RGS7: variants seen among roughly 807,000 people sequenced by gnomAD.
RGS7 encodes the protein regulator of G-protein signaling 7.
In RGS7, 27 loss-of-function variants were observed where a neutral mutation model predicts 81.1. The ratio of observed to expected loss-of-function variants is 0.33; its 90% CI spans 0.25 to 0.46. RGS7 has a LOEUF of 0.46. Among genes scored for constraint, RGS7 ranks in the 20% least tolerant of loss-of-function variants. The pLI, the probability that RGS7 is intolerant of heterozygous loss-of-function variation, is 1.00. For synonymous variants in RGS7, 208 were observed against 207.7 expected (o/e 1.00, Z -0.01); for missense variants, 396 against 607.4 (o/e 0.65, Z 3.66).
intron 2 of RGS7, among the ~76,000 whole-genome samples, chr1:241,157,726 T>A (rs1334945136): frequency 1.3e-5 from 2 of 151,940 alleles, no homozygotes; most frequent in Non-Finnish European, 2.9e-5. Flanking sequence ...TTGAAAAAAA[T>A]AAAATAAAAA....
intron 2 of RGS7, among the ~76,000 whole-genome samples, chr1:241,130,278 T>C (rs2066979823): frequency 6.6e-6 from 1 of 152,126 alleles, no homozygotes; most frequent in Non-Finnish European, 1.5e-5. Flanking sequence ...CTTCACCAGA[T>C]GTTCCTTTAA....
chr1:241,260,970 C>A (rs896180070), intron 2 of RGS7, among the ~76,000 whole-genome samples: 1 of 151,142 alleles, frequency 6.6e-6, no homozygotes, highest in African/African-American at 2.4e-5. Flanking sequence ...ATACCTAATG[C>A]TAGATGACGA....
chr1:240,795,332 T>C (rs1293227559), intron 18 of RGS7, among the ~76,000 whole-genome samples: 1 of 152,210 alleles, frequency 6.6e-6, no homozygotes, highest in African/African-American at 2.4e-5. Context: ...TAGCTACAGT[T>C]CTTCACTGAC....
chr1:241,116,649 G>A (rs1455874720), intron 2 of RGS7, among the ~76,000 whole-genome samples: 1 of 152,020 alleles, frequency 6.6e-6, no homozygotes. Flanking sequence ...TATACATTCT[G>A]TAAATTTTTT....
At chr1:241,161,521 ATAAC>A (rs972130140) in intron 2 of RGS7, among the ~76,000 whole-genome samples, 2 of 147,672 alleles carry the variant, frequency 1.4e-5, no homozygotes, top group Non-Finnish European at 3.0e-5. Flanking sequence ...ATAACTAATA[ATAAC>A]TAATATAACG....
At chr1:241,143,310 G>A (rs149683301) in intron 2 of RGS7, among the ~76,000 whole-genome samples, 1 of 152,260 alleles carries the variant, frequency 6.6e-6, no homozygotes, top group East Asian at 1.9e-4. Context: ...TCAATTTACT[G>A]TATTAGTCCA....
chr1:241,232,197 T>C, intron 2 of RGS7, among the ~76,000 whole-genome samples: 1 of 118,462 alleles, frequency 8.4e-6, no homozygotes, highest in Non-Finnish European at 2.0e-5. Context: ...GTCTATTCTC[T>C]CTCTCTCTCT....
intron 2 of RGS7, among the ~76,000 whole-genome samples, chr1:241,278,134 T>C (rs2078296042): frequency 1.3e-5 from 2 of 152,206 alleles, no homozygotes; most frequent in South Asian, 4.1e-4. Context: ...CAAACAGGAC[T>C]TTATATTTGA....
At chr1:241,097,364 G>A (rs997934140) in intron 3 of RGS7, among the ~76,000 whole-genome samples, 2 of 152,056 alleles carry the variant, frequency 1.3e-5, no homozygotes, top group Non-Finnish European at 2.9e-5. Flanking sequence ...TTTTGTTAGA[G>A]CAAAATGTCA....
chr1:241,030,373 T>TATATATATATATATATATATATACACAC lies in RGS7; in HGVS notation c.176-47245_176-47244insGTGTGTATATATATATATATATATATAT, dbSNP rs374223475. Among the ~76,000 whole-genome samples the TATATATATATATATATATATATACACAC allele has an allele frequency of 2.2e-4, 30 of 135,236 alleles. 1 individual carries two copies. The highest frequency in any genetic ancestry group is 4.7e-4 in the South Asian group (2 of 4,258). The allele number at this position is 135,236 out of a possible 152,430, so 88.7% of individuals were successfully genotyped here. ...CCAGAACTTATAGCATATATATATA[T>TATATATATATATATATATATATACACAC]ACATACACACATACATACACACACA... On this transcript the variant is annotated intron_variant, in intron 3 of 18. Coordinates refer to ENST00000440928, the MANE Select transcript of RGS7 (RefSeq NM_001364886.1).
chr1:241,332,519 C>T (rs1279237688), intron 2 of RGS7, among the ~76,000 whole-genome samples: 2 of 152,142 alleles, frequency 1.3e-5, no homozygotes, highest in African/African-American at 4.8e-5. Flanking sequence ...TAAAAGAAGT[C>T]ATAGAGAGGG....
intron 18 of RGS7, among the ~76,000 whole-genome samples, chr1:240,786,651 A>T (rs1036063397): frequency 1.3e-5 from 2 of 152,224 alleles, no homozygotes; most frequent in Admixed American, 1.3e-4. Flanking sequence ...TGTCGATCAA[A>T]TGTGGCTACT....
rs538746209 is a variant in RGS7, at chr1:241,057,925, G to A, written c.175+40741C>T. Among the ~76,000 whole-genome samples, 39 of 152,276 alleles carry A rather than the reference G, an allele frequency of 2.6e-4. 1 individual carries two copies. Among genetic ancestry groups the A allele is most frequent in the African/African-American group, 9.4e-4 (39 of 41,564 alleles). On this transcript the variant is annotated intron_variant, in intron 3 of 18. Transcript: ENST00000440928. ...TAGGTTGTGAATCCTTGGATCTCAT[G>A]TTGTTATAGTAGGTAGATAGTCAGG...
intron 3 of RGS7, among the ~76,000 whole-genome samples, chr1:241,049,605 G>A (rs1471838996): frequency 6.6e-6 from 1 of 152,122 alleles, no homozygotes; most frequent in Non-Finnish European, 1.5e-5. Flanking sequence ...CAATGTTGTA[G>A]GAGTCTCAGC....
chr1:241,302,601 C>CCAATTT lies in RGS7; in HGVS notation c.78+53097_78+53098insAAATTG, dbSNP rs2079838739. Among the ~76,000 whole-genome samples, 8 of 152,260 alleles carry CCAATTT rather than the reference C, an allele frequency of 5.3e-5. No homozygotes were observed. The South Asian group carries it at 1.7e-3, about 32-fold the overall frequency. On this transcript the variant is annotated intron_variant, in intron 2 of 18. Coordinates refer to ENST00000440928, the MANE Select transcript of RGS7 (RefSeq NM_001364886.1). ...CTTTGGCTTCTACTCAGATAGGGAGCACCTTGGGAATTTTCAGTAAAACAA... is the reference window on the plus strand; with the variant it reads ...CTTTGGCTTCTACTCAGATAGGGAGCCAATTTACCTTGGGAATTTTCAGTAAAACAA...
At chr1:241,227,711 C>T (rs1359026941) in intron 2 of RGS7, among the ~76,000 whole-genome samples, 3 of 120,998 alleles carry the variant, frequency 2.5e-5, no homozygotes, top group African/African-American at 8.0e-5. Flanking sequence ...CACTACATTA[C>T]ACCGTACTCC....
intron 2 of RGS7, among the ~76,000 whole-genome samples, chr1:241,272,138 C>T (rs1325874160): frequency 3.9e-5 from 6 of 152,000 alleles, no homozygotes; most frequent in Non-Finnish European, 7.4e-5. Flanking sequence ...GGACTACAGG[C>T]ACCCGCCACC....
intron 4 of RGS7, among the ~76,000 whole-genome samples, chr1:240,965,632 C>T (rs1043659359): frequency 7.2e-5 from 11 of 152,120 alleles, no homozygotes; most frequent in Middle Eastern, 3.2e-3. Flanking sequence ...GTGGAGGGGC[C>T]GTCAGCTGCC....
chr1:241,260,907 C>A (rs997365791), intron 2 of RGS7, among the ~76,000 whole-genome samples: 2 of 115,978 alleles, frequency 1.7e-5, no homozygotes, highest in Non-Finnish European at 3.3e-5. Context: ...GAACATCACA[C>A]TCTGGGGACT....
Sources: gnomAD v4.1 joint callset for allele counts (sites outside exome capture counted in the v4.1 genomes callset) on GRCh38, gnomAD v4.1.1 for gene constraint, MANE v1.5 for transcripts, NCBI Gene and HGNC (gene_info 2026-07-23, HGNC 2026-07-21) for gene names.